TRIQK: variants seen among roughly 807,000 people sequenced by gnomAD.
The protein encoded by TRIQK is triple QxxK/R motif-containing protein.
A neutral mutation model predicts 10.8 loss-of-function variants in TRIQK; 10 were observed. The observed-to-expected ratio is 0.92, with a 90% CI of 0.57 to 1.57. The LOEUF is 1.57. Among genes scored for constraint, TRIQK ranks in the 40% most tolerant of loss-of-function variants. The pLI, the probability that TRIQK is intolerant of heterozygous loss-of-function variation, is 0.00. For synonymous variants in TRIQK, 33 were observed against 33.7 expected (o/e 0.98, Z 0.07); for missense variants, 107 against 97.7 (o/e 1.09, Z -0.40).
intron 1 of TRIQK, among the ~76,000 whole-genome samples, chr8:92,997,380 C>T (rs1014058234): frequency 2.0e-5 from 3 of 152,164 alleles, no homozygotes; most frequent in South Asian, 4.1e-4. Context: ...GCAACCGAAA[C>T]CCTATCAACC....
chr8:92,953,643 G>A (rs1379869367), intron 2 of TRIQK: 2 of 152,066 alleles, frequency 1.3e-5, no homozygotes, highest in East Asian at 1.9e-4. Flanking sequence ...TGCCTGGCAC[G>A]TTCAGAGAAC....
intron 2 of TRIQK, among the ~76,000 whole-genome samples, chr8:92,930,888 G>A (rs1810689605): frequency 6.6e-6 from 1 of 152,004 alleles, no homozygotes; most frequent in Non-Finnish European, 1.5e-5. Context: ...ACCAAAAACT[G>A]GGCTAAAAAA....
At chr8:92,976,965 AC>A (rs1403764354) in intron 1 of TRIQK, among the ~76,000 whole-genome samples, 2 of 151,964 alleles carry the variant, frequency 1.3e-5, no homozygotes, top group African/African-American at 4.8e-5. Flanking sequence ...TATATATTAA[AC>A]CCAACAATAC....
chr8:92,990,553 C>T (rs915767697), intron 1 of TRIQK, among the ~76,000 whole-genome samples: 5 of 152,206 alleles, frequency 3.3e-5, no homozygotes, highest in Admixed American at 6.5e-5. Context: ...CTGAGGTACC[C>T]GGCTCATCTC....
chr8:92,925,377 A>G (rs1367779609), intron 2 of TRIQK, among the ~76,000 whole-genome samples: 4 of 152,178 alleles, frequency 2.6e-5, no homozygotes, highest in Non-Finnish European at 4.4e-5. Context: ...ATCATAAAAG[A>G]GAAAAAAAGG....
intron 1 of TRIQK, chr8:92,973,715 G>A (rs575113197): frequency 1.3e-5 from 2 of 152,354 alleles, no homozygotes; most frequent in Admixed American, 6.5e-5. Flanking sequence ...TTGGTGCAAA[G>A]TGGGAGAAGG....
intron 1 of TRIQK, among the ~76,000 whole-genome samples, chr8:92,998,293 C>A (rs77724370): frequency 0.19 from 29,502 of 151,666 alleles, 3,185 homozygotes; most frequent in African/African-American, 0.29. Flanking sequence ...CATTTTAATT[C>A]TTTCCATTAA....
intron 1 of TRIQK, among the ~76,000 whole-genome samples, chr8:92,959,841 A>C (rs1812364208): frequency 6.6e-6 from 1 of 152,088 alleles, no homozygotes; most frequent in Admixed American, 6.6e-5. Flanking sequence ...CTGTATACGT[A>C]AGAGTGGTTT....
intron 1 of TRIQK, among the ~76,000 whole-genome samples, chr8:93,013,143 C>G (rs894872197): frequency 2.6e-5 from 4 of 152,116 alleles, no homozygotes; most frequent in Admixed American, 2.6e-4. Flanking sequence ...AACTTTGGGT[C>G]GCTCAATGGT....
chr8:93,007,997 G>A (rs757781612), intron 1 of TRIQK, among the ~76,000 whole-genome samples: 2 of 152,176 alleles, frequency 1.3e-5, no homozygotes, highest in Non-Finnish European at 2.9e-5. Context: ...GCAGGGACAT[G>A]GATGGAGCTG....
chr8:92,957,647 T>A (rs576678564), intron 1 of TRIQK, among the ~76,000 whole-genome samples: 124 of 152,062 alleles, frequency 8.2e-4, no homozygotes, highest in African/African-American at 2.9e-3. Flanking sequence ...ACTAAACTTC[T>A]ATCATCTCAA....
intron 2 of TRIQK, among the ~76,000 whole-genome samples, chr8:92,936,215 T>A (rs562516015): frequency 6.6e-6 from 1 of 151,666 alleles, no homozygotes; most frequent in African/African-American, 2.4e-5. Flanking sequence ...GATACAAAAA[T>A]CCTAAACATA....
Position 92,940,225 on chromosome 8 carries a change from G to A in TRIQK, c.-22+14181C>T, listed in dbSNP as rs574461519. On this transcript the variant is annotated intron_variant, in intron 2 of 4. Transcript: ENST00000521988. ...CATGTCAAAGAACTCCTGTAAATGT[G>A]AGAAGCCAGGGCTGTCTTCTCAAAT... Among the ~76,000 whole-genome samples, 336 of 152,012 alleles carry A rather than the reference G, an allele frequency of 2.2e-3. 1 individual carries two copies. Among genetic ancestry groups the A allele is most frequent in the African/African-American group, 7.6e-3 (314 of 41,468 alleles).
At chr8:92,914,524 T>G (rs2130442011) in intron 3 of TRIQK, among the ~76,000 whole-genome samples, 1 of 152,262 alleles carries the variant, frequency 6.6e-6, no homozygotes, top group South Asian at 2.1e-4. Flanking sequence ...GAACTTATAT[T>G]TTACAATAGT....
At chr8:92,962,118 T>A (rs1001267581) in intron 1 of TRIQK, among the ~76,000 whole-genome samples, 4 of 152,164 alleles carry the variant, frequency 2.6e-5, no homozygotes, top group African/African-American at 9.7e-5. Flanking sequence ...TAAATATATA[T>A]AATGGTATGA....
Position 92,914,069 on chromosome 8 carries a change from G to A in TRIQK, c.61+2860C>T, listed in dbSNP as rs1286727335. ...ACCACCATGGGACATGTATACCTACGTAACAAACCTGCACGTTCTGCACAT... is the reference window on the plus strand; with the variant it reads ...ACCACCATGGGACATGTATACCTACATAACAAACCTGCACGTTCTGCACAT... On this transcript the variant is annotated intron_variant, in intron 3 of 4. Transcript: ENST00000521988. Among the ~76,000 whole-genome samples, 6 of 152,218 alleles carry A rather than the reference G, an allele frequency of 3.9e-5. No homozygotes were observed. In the South Asian group the frequency reaches 8.3e-4, roughly 21 times the overall value.
upstream of TRIQK, among the ~76,000 whole-genome samples, chr8:92,967,157 A>G (rs763183320): frequency 6.6e-6 from 1 of 152,076 alleles, no homozygotes. Context: ...GTAGAGTTAA[A>G]TGAGATTATA....
At chr8:92,972,156 A>G (rs1812883358) in intron 1 of TRIQK, among the ~76,000 whole-genome samples, 1 of 152,072 alleles carries the variant, frequency 6.6e-6, no homozygotes, top group East Asian at 1.9e-4. Flanking sequence ...CTATGCCTTT[A>G]TAGCTCTATC....
At chr8:92,923,156 A>G (rs1810270059) in intron 2 of TRIQK, among the ~76,000 whole-genome samples, 1 of 151,818 alleles carries the variant, frequency 6.6e-6, no homozygotes, top group Non-Finnish European at 1.5e-5. Flanking sequence ...AGACATGTAG[A>G]ACCTTTAAAA....
Sources: allele counts gnomAD v4.1 joint callset (sites outside exome capture counted in the v4.1 genomes callset), GRCh38; gene constraint gnomAD v4.1.1; transcripts MANE v1.5; gene names NCBI Gene and HGNC (gene_info 2026-07-23, HGNC 2026-07-21).